Variants in IGSF22 observed in about 807,000 individuals in gnomAD.
IGSF22 encodes immunoglobulin superfamily, member 22.
A neutral mutation model predicts 127.0 loss-of-function variants in IGSF22; 119 were observed. The ratio of observed to expected loss-of-function variants is 0.94; its 90% CI spans 0.81 to 1.09. The LOEUF (loss-of-function observed/expected upper bound fraction) is 1.09, where lower values mean the gene tolerates loss of function less well. IGSF22 is among the 50% of genes least tolerant of loss of function. The pLI is 0.00. For synonymous variants in IGSF22, 568 were observed against 664.7 expected, an observed-to-expected ratio of 0.85 and a Z score of 2.24; for missense variants, 1,518 against 1,716.6, an observed-to-expected ratio of 0.88 and a Z score of 2.04.
At position 18,710,688 on chromosome 11, in the gene IGSF22, G is replaced by A. The variant is rs200542867; in HGVS notation, c.2539C>T (p.Leu847=). The A allele has an allele frequency of 1.5e-5, 24 of 1,613,732 alleles. No individual in the cohort carries two copies. Among genetic ancestry groups the A allele is most frequent in the Non-Finnish European group, 1.9e-5 (23 of 1,179,714 alleles). ...IVERRKKGSN[L]WVPVNKDPIQ... The stretch of plus-strand genomic sequence containing the variant: ...GGGTCCTTGTTGACTGGCACCCACA[G>A]GTTGCTGCCTTTCTTCCTTCGTTCT... The change falls in exon 16 of 23, where the codon CTG becomes TTG. Residue 847 remains leucine (L), a synonymous_variant. Transcript: ENST00000513874.
intron 4 of IGSF22, 136 bp downstream of exon 4, chr11:18,721,399 A>G (rs1848569139): frequency 8.5e-7 from 1 of 1,182,484 alleles, no homozygotes; most frequent in South Asian, 1.2e-5. Context: ...CCTCTCGGGC[A>G]ATGACAGCTG....
At position 18,713,977 on chromosome 11, in the gene IGSF22, T is replaced by A; in HGVS notation, c.1970A>T (p.Glu657Val). The change falls in exon 14 of 23, where the codon GAG (glutamate) becomes GTG (valine). Residue 657 changes from glutamate to valine, a missense_variant. Around this residue, in one of 3 missense-constraint regions of IGSF22, gnomAD observed 1,456 missense variants for 1,644.9 expected, o/e 0.89. Transcript: ENST00000513874. ...GAGCAGTGCCTGGTCTTCCCCGCGC[T>A]CCATGGACACGCGTTCCTCCTCCGT... ...EVTEEERVSM[E>V]RGEDQALLTI... 1 of 1,614,254 alleles carries A rather than the reference T, an allele frequency of 6.2e-7. No individual in the cohort carries two copies. Among genetic ancestry groups the A allele is most frequent in the South Asian group, 1.1e-5 (1 of 91,086 alleles).
intron 1 of IGSF22, among the ~76,000 whole-genome samples, chr11:18,725,739 C>G (rs575137321): frequency 6.6e-6 from 1 of 152,286 alleles, no homozygotes; most frequent in African/African-American, 2.4e-5. Flanking sequence ...CGCGCCTGGC[C>G]CAGCATTGCA....
At position 18,715,619 on chromosome 11, in the gene IGSF22, T is replaced by C. The variant is rs1234658445; in HGVS notation, c.1344A>G (p.Thr448=). The C allele has an allele frequency of 6.2e-7, 1 of 1,614,060 alleles. No homozygotes were observed. The highest frequency in any genetic ancestry group is 8.5e-7 in the Non-Finnish European group (1 of 1,180,004). Residue 448 remains threonine, a synonymous_variant, in exon 11 of 23, where the codon ACA becomes ACG. Coordinates refer to ENST00000513874, the MANE Select transcript of IGSF22 (RefSeq NM_173588.4). ...LECELTSKDV[T]LRWKKDGQLL... The stretch of plus-strand genomic sequence containing the variant: ...GCTGCCCATCCTTCTTCCAGCGCAG[T>C]GTCACATCCTTGGATGTCAGCTCAC...
At chr11:18,724,533 A>G (rs1848622000) in intron 1 of IGSF22, among the ~76,000 whole-genome samples, 1 of 152,152 alleles carries the variant, frequency 6.6e-6, no homozygotes, top group African/African-American at 2.4e-5. Context: ...TACCCAGCCA[A>G]CCAAGTAAGG....
chr11:18,717,785 C>T, intron 9 of IGSF22, 146 bp downstream of exon 9: 1 of 807,628 alleles, frequency 1.2e-6, no homozygotes, highest in Non-Finnish European at 2.0e-6. Context: ...ATGCTTCCTC[C>T]CTCCATTGAC....
Position 18,719,718 on chromosome 11 carries a change from C to T in IGSF22, c.694G>A (p.Glu232Lys). The change falls in exon 7 of 23, where the codon GAG becomes AAG. Residue 232 changes from glutamate to lysine, a missense_variant and splice_region_variant. By Grantham distance (56) the Glu-to-Lys change is moderately conservative. Around this residue, in one of 3 missense-constraint regions of IGSF22, gnomAD observed 1,456 missense variants for 1,644.9 expected, o/e 0.89. Coordinates refer to ENST00000513874, the MANE Select transcript of IGSF22 (RefSeq NM_173588.4). ...LKEMKKKVEV[E>K]AIRILKPLED... ...CCTGCTCCCTGCAGGGTACTTACCT[C>T]CACCTCTACTTTCTTCTTCATCTCT... 1.2e-6 allele frequency: 2 copies of T among 1,614,066 alleles called. No individual in the cohort carries two copies. Among genetic ancestry groups the T allele is most frequent in the South Asian group, 1.1e-5 (1 of 91,070 alleles).
chr11:18,721,505 G>A, intron 4 of IGSF22, 30 bp downstream of exon 4: 2 of 1,613,942 alleles, frequency 1.2e-6, no homozygotes, highest in African/African-American at 1.3e-5. Flanking sequence ...TGGCCTTCTC[G>A]GTAACTGGAC....
rs955879407 is a variant in IGSF22 at position 18,707,007 on chromosome 11, T to C, written c.3487A>G (p.Arg1163Gly). The change falls in exon 21 of 23, where the codon AGG becomes GGG. Residue 1163 changes from arginine to glycine, a missense_variant. Around this residue, in one of 3 missense-constraint regions of IGSF22, gnomAD observed 1,456 missense variants for 1,644.9 expected, o/e 0.89. Coordinates refer to ENST00000513874, the MANE Select transcript of IGSF22 (RefSeq NM_173588.4). ...KYTVTGLLPG[R>G]KYYFRVVARN... Reference sequence around the variant, plus strand: ...GCCACCACTCTGAAGTAGTACTTCCTGCCTGGGAGCAGCCCCGTCACTGTG... The same window carrying C: ...GCCACCACTCTGAAGTAGTACTTCCCGCCTGGGAGCAGCCCCGTCACTGTG... 1.8e-5 allele frequency: 28 copies of C among 1,551,340 alleles called. No individual in the cohort carries two copies. The highest frequency in any genetic ancestry group is 2.4e-5 in the Non-Finnish European group (27 of 1,146,854).
rs749705610 is a variant in IGSF22, at chr11:18,706,162, G to C, written c.3581-16C>G. On this transcript the variant is annotated splice_polypyrimidine_tract_variant and intron_variant, in intron 21 of 22. Coordinates refer to ENST00000513874, the MANE Select transcript of IGSF22 (RefSeq NM_173588.4). ...AGGTCCTGGACTGCGCGGGCGGGGC[G>C]GGGCAGGCCGTGAGGGCGCCCCAAG... 2.0e-6 allele frequency: 3 copies of C among 1,526,088 alleles called. No individual in the cohort carries two copies. The highest frequency in any genetic ancestry group is 2.6e-6 in the Non-Finnish European group (3 of 1,138,870). 94.5% of individuals were successfully genotyped at this position (1,526,088 alleles called of 1,614,324 possible).
Position 18,714,090 on chromosome 11 carries a change from C to A in IGSF22, c.1857G>T (p.Val619=). 6.2e-7 allele frequency: 1 copy of A among 1,614,266 alleles called. No individual in the cohort carries two copies. Among genetic ancestry groups the A allele is most frequent in the Non-Finnish European group, 8.5e-7 (1 of 1,180,040 alleles). ...TGATGTGGGCCGTGTGGCCTACCTT[C>A]ACAGTGATGGCGTGCGCAGCCAGTG... ...LEALAAHAIT[V]KVGHTAHIKV... is the part of the protein sequence containing the mutation. The change falls in exon 14 of 23, where the codon GTG becomes GTT. Residue 619 remains valine (V), a synonymous_variant. Transcript: ENST00000513874.
chr11:18,710,632 G>A (rs1288506952), intron 16 of IGSF22, 23 bp downstream of exon 16: 1 of 1,604,334 alleles, frequency 6.2e-7, no homozygotes, highest in South Asian at 1.1e-5. Context: ...GTCACTCCTG[G>A]GCCTCTGTTC....
chr11:18,720,798 G>A (rs969993459), intron 4 of IGSF22, among the ~76,000 whole-genome samples: 1 of 152,180 alleles, frequency 6.6e-6, no homozygotes, highest in Non-Finnish European at 1.5e-5. Context: ...GGCCATCAGG[G>A]GGACTGGGGC....
chr11:18,722,298 G>A (rs995313785), intron 2 of IGSF22, among the ~76,000 whole-genome samples: 1 of 78,460 alleles, frequency 1.3e-5, no homozygotes, highest in African/African-American at 4.6e-5. Flanking sequence ...CCACAGCCCT[G>A]AGTCCTAATT....
intron 21 of IGSF22, chr11:18,706,408 G>C: frequency 1.9e-6 from 1 of 518,456 alleles, no homozygotes. Context: ...GGGCCGAGAT[G>C]TCATTCCAGC....
intron 17 of IGSF22, among the ~76,000 whole-genome samples, chr11:18,710,018 G>A (rs974388731): frequency 2.6e-5 from 4 of 152,024 alleles, no homozygotes; most frequent in African/African-American, 9.7e-5. Flanking sequence ...CTTCCTAAAT[G>A]CAACACCCTC....
chr11:18,704,769 G>A, intron 22 of IGSF22: 1 of 487,168 alleles, frequency 2.1e-6, no homozygotes, highest in Non-Finnish European at 3.7e-6. Flanking sequence ...GTCCTATAAA[G>A]AAGATGAGAA....
chr11:18,717,836 C>T, intron 9 of IGSF22, 95 bp downstream of exon 9: 1 of 1,363,016 alleles, frequency 7.3e-7, no homozygotes, highest in Non-Finnish European at 1.0e-6. Flanking sequence ...GTCCCATAGT[C>T]CTCTCTTCAA....
At position 18,720,106 on chromosome 11, in the gene IGSF22, G is replaced by C; in HGVS notation, c.479-3C>G. On this transcript the variant is annotated splice_polypyrimidine_tract_variant and splice_region_variant and intron_variant, in intron 5 of 22. Transcript: ENST00000513874. The stretch of plus-strand genomic sequence containing the variant: ...TTTGAAGTCCATTTTCTCTTGACCT[G>C]AGGATAGACAGAGGGACAGGTTCAG... The C allele has an allele frequency of 6.2e-7, 1 of 1,614,182 alleles. No individual in the cohort carries two copies. The highest frequency in any genetic ancestry group is 8.5e-7 in the Non-Finnish European group (1 of 1,180,016).
Sources: allele counts gnomAD v4.1 joint callset (sites outside exome capture counted in the v4.1 genomes callset), GRCh38; gene constraint gnomAD v4.1.1; regional missense constraint gnomAD v4.1.1; transcripts MANE v1.5; gene names NCBI Gene and HGNC (gene_info 2026-07-23, HGNC 2026-07-21).